Variants in TENM2 observed in about 807,000 individuals in gnomAD.
The protein encoded by TENM2 is teneurin transmembrane protein 2, also known as teneurin-2.
A neutral mutation model predicts 245.2 loss-of-function variants in TENM2; 52 were observed. The ratio of observed to expected loss-of-function variants is 0.21; its 90% confidence interval spans 0.17 to 0.27. TENM2 has a LOEUF of 0.27. Among genes scored for constraint, TENM2 ranks in the 10% least tolerant of loss-of-function variants. The probability of loss-of-function intolerance (pLI) is 1.00; values close to 1 mark genes in which losing one functional copy is unlikely to be tolerated. For missense variants in TENM2, 3,046 were observed against 3,666.8 expected (o/e 0.83, Z 4.37); for synonymous variants, 1,363 against 1,438.9 (o/e 0.95, Z 1.19).
At chr5:167,806,249 A>T (rs780395475) in intron 2 of TENM2, among the ~76,000 whole-genome samples, 1 of 152,148 alleles carries the variant, frequency 6.6e-6, no homozygotes, top group Non-Finnish European at 1.5e-5. Flanking sequence ...ATAATTAATG[A>T]CAAGCATTTT....
chr5:167,341,449 G>C (rs1256214613), intron 1 of TENM2, among the ~76,000 whole-genome samples: 1 of 151,936 alleles, frequency 6.6e-6, no homozygotes, highest in African/African-American at 2.4e-5. Context: ...CTTTGGCAAA[G>C]GACAAATTTT....
the TENM2 span, among the ~76,000 whole-genome samples, chr5:167,249,001 G>A: frequency 1.3e-5 from 2 of 152,066 alleles, no homozygotes; most frequent in Middle Eastern, 3.2e-3. Context: ...GCCAATAAAA[G>A]GGAAATATCT....
chr5:167,846,323 A>C (rs899834902), intron 2 of TENM2, among the ~76,000 whole-genome samples: 1 of 152,378 alleles, frequency 6.6e-6, no homozygotes, highest in Admixed American at 6.5e-5. Flanking sequence ...ACACTACAAC[A>C]CAACTTAGAA....
intron 12 of TENM2, among the ~76,000 whole-genome samples, chr5:168,161,562 C>A (rs1316222380): frequency 6.6e-6 from 1 of 152,124 alleles, no homozygotes; most frequent in Non-Finnish European, 1.5e-5. Context: ...CTTGCCAGCA[C>A]GTAGGTTTTG....
chr5:167,505,479 A>G (rs1402168222), intron 2 of TENM2, among the ~76,000 whole-genome samples: 1 of 152,214 alleles, frequency 6.6e-6, no homozygotes, highest in Non-Finnish European at 1.5e-5. Context: ...TGTGGATACA[A>G]GGAAAAATAT....
At chr5:167,764,575 C>T (rs1268350805) in intron 2 of TENM2, among the ~76,000 whole-genome samples, 1 of 152,146 alleles carries the variant, frequency 6.6e-6, no homozygotes, top group African/African-American at 2.4e-5. Context: ...TCAGACAGTG[C>T]ATTGAGTTAC....
At chr5:167,402,970 G>A (rs957736343) in intron 2 of TENM2, among the ~76,000 whole-genome samples, 3 of 152,106 alleles carry the variant, frequency 2.0e-5, no homozygotes, top group African/African-American at 7.2e-5. Flanking sequence ...TATGCTTAAA[G>A]CTAATACACA....
chr5:167,468,808 T>C lies in TENM2; in HGVS notation c.502+93335T>C, dbSNP rs535230687. Among the ~76,000 whole-genome samples the C allele has an allele frequency of 4.2e-4, 64 of 152,308 alleles. No individual in the cohort carries two copies. In the South Asian group the frequency reaches 4.4e-3, roughly 10 times the overall value. ...TGTATGTATCCCAGCTTTTTATTTG[T>C]AGTATTCAAATAATTCAGCAGTTTT... is the stretch of plus-strand genomic sequence containing the variant. On this transcript the variant is annotated intron_variant, in intron 2 of 28. Transcript: ENST00000518659.
At chr5:167,948,708 T>C (rs1779838741) in intron 3 of TENM2, 2 of 152,368 alleles carry the variant, frequency 1.3e-5, no homozygotes, top group South Asian at 2.1e-4. Context: ...TTACCTTATA[T>C]AGTTTCTTAT....
the TENM2 span, among the ~76,000 whole-genome samples, chr5:167,226,609 T>C: frequency 6.6e-6 from 1 of 152,084 alleles, no homozygotes; most frequent in Non-Finnish European, 1.5e-5. Flanking sequence ...ACATATGTTC[T>C]ATCCTGGAGA....
intron 2 of TENM2, chr5:167,754,812 G>T: frequency 2.5e-6 from 1 of 394,378 alleles, no homozygotes; most frequent in Non-Finnish European, 4.5e-6. Context: ...AGGACTTGCG[G>T]TTGGCATTTG....
At chr5:167,234,008 C>G in the TENM2 span, among the ~76,000 whole-genome samples, 1 of 147,866 alleles carries the variant, frequency 6.8e-6, no homozygotes, top group Non-Finnish European at 1.5e-5. Context: ...TCAACAATGC[C>G]CAGATGCTTT....
At chr5:167,253,806 A>G in the TENM2 span, among the ~76,000 whole-genome samples, 1 of 152,050 alleles carries the variant, frequency 6.6e-6, no homozygotes, top group Non-Finnish European at 1.5e-5. Context: ...CTGTCCTTGA[A>G]TCAATGCCCC....
chr5:167,466,783 G>A (rs1201400004), intron 2 of TENM2, among the ~76,000 whole-genome samples: 1 of 151,836 alleles, frequency 6.6e-6, no homozygotes, highest in African/African-American at 2.4e-5. Flanking sequence ...TACAAATTTG[G>A]CCGAGTTCTG....
chr5:167,526,629 G>A (rs561588159), intron 2 of TENM2, among the ~76,000 whole-genome samples: 1 of 151,936 alleles, frequency 6.6e-6, no homozygotes, highest in South Asian at 2.1e-4. Flanking sequence ...TTATTAAAAA[G>A]TTATTTTATA....
At chr5:167,217,713 G>GATATAT in the TENM2 span, among the ~76,000 whole-genome samples, 241 of 141,184 alleles carry the variant, frequency 1.7e-3, no homozygotes, top group African/African-American at 5.2e-3. Flanking sequence ...TGTAATGAGT[G>GATATAT]ATATATATAT....
At chr5:167,015,424 A>G in the TENM2 span, among the ~76,000 whole-genome samples, 7 of 152,262 alleles carry the variant, frequency 4.6e-5, no homozygotes, top group East Asian at 1.4e-3. Context: ...CAACCTGGAA[A>G]TCACCTTTTA....
At chr5:167,756,491 A>C (rs547219254) in intron 2 of TENM2, among the ~76,000 whole-genome samples, 1 of 152,300 alleles carries the variant, frequency 6.6e-6, no homozygotes, top group Non-Finnish European at 1.5e-5. Context: ...CAGAGAAAAC[A>C]AAGTGATGGT....
At chr5:167,367,422 TACTC>T (rs1189153907) in intron 1 of TENM2, among the ~76,000 whole-genome samples, 8 of 152,170 alleles carry the variant, frequency 5.3e-5, no homozygotes, top group Non-Finnish European at 1.5e-5. Context: ...CATGTACACT[TACTC>T]TGTTGTTTTA....
Sources: allele counts gnomAD v4.1 joint callset (sites outside exome capture counted in the v4.1 genomes callset), GRCh38; gene constraint gnomAD v4.1.1; transcripts MANE v1.5; gene names NCBI Gene and HGNC (gene_info 2026-07-23, HGNC 2026-07-21).